PON3: variants seen among roughly 807,000 people sequenced by gnomAD.
The protein encoded by PON3 is serum paraoxonase/lactonase 3.
A neutral mutation model predicts 36.3 loss-of-function variants in PON3; 37 were observed. That is an observed-to-expected ratio of 1.02 (90% confidence interval 0.78 to 1.34). The LOEUF (loss-of-function observed/expected upper bound fraction) is 1.34, where lower values mean the gene tolerates loss of function less well. Ranked by LOEUF, PON3 falls within the 40% of genes most tolerant of loss-of-function variation. PON3 has a pLI of 0.00. For synonymous variants in PON3, 155 were observed against 154.8 expected (o/e 1.00, Z -0.01); for missense variants, 415 against 426.5 (o/e 0.97, Z 0.24).
At chr7:95,395,064 G>A (rs1178096352) in intron 1 of PON3, among the ~76,000 whole-genome samples, 2 of 152,086 alleles carry the variant, frequency 1.3e-5, no homozygotes, top group Non-Finnish European at 2.9e-5. Flanking sequence ...CTAAAGTATC[G>A]TCTGTTATAA....
intron 3 of PON3, among the ~76,000 whole-genome samples, chr7:95,373,108 A>G (rs1808844867): frequency 6.6e-6 from 1 of 152,208 alleles, no homozygotes; most frequent in Admixed American, 6.5e-5. Flanking sequence ...GTTACAAAAC[A>G]GTCCACTTCC....
intron 3 of PON3, among the ~76,000 whole-genome samples, chr7:95,386,344 C>A (rs192675151): frequency 6.6e-6 from 1 of 152,150 alleles, no homozygotes; most frequent in Non-Finnish European, 1.5e-5. Context: ...TCAGAGAATA[C>A]TAAAAACACC....
chr7:95,370,433 C>T (rs1414828256), intron 4 of PON3, among the ~76,000 whole-genome samples: 1 of 151,946 alleles, frequency 6.6e-6, no homozygotes, highest in African/African-American at 2.4e-5. Flanking sequence ...GAGGAAGTGT[C>T]AAGGTTGGGC....
chr7:95,367,313 C>A (rs560203988), intron 5 of PON3, 49 bp downstream of exon 5: 17 of 1,601,528 alleles, frequency 1.1e-5, no homozygotes, highest in Non-Finnish European at 1.4e-5. Context: ...ACAAAGCACA[C>A]AGCAGAGGTG....
Position 95,394,659 on chromosome 7 carries a change from GGT to G in PON3, c.128_129del (p.His43ProfsTer3), listed in dbSNP as rs1328767922. On this transcript the variant is annotated frameshift_variant, in exon 2 of 9. Transcript: ENST00000265627. LOFTEE classifies it high-confidence loss of function. ...ACATACATACCAAGTTCCTCAATAA[GGT>G]GGCAGTTTTCAGGTTCTACTGGCTC... Reference protein sequence around the residue: ...EVEPVEPENCHLIEELESGSE... With the variant: ...EVEPVEPENCXLIEELESGSE... The G allele has an allele frequency of 1.2e-6, 2 of 1,614,056 alleles. No individual in the cohort carries two copies. Among genetic ancestry groups the G allele is most frequent in the African/African-American group, 2.7e-5 (2 of 75,036 alleles).
At chr7:95,362,950 C>T (rs1808606851) in intron 6 of PON3, 109 bp from the exon 7 acceptor site, 1 of 755,028 alleles carries the variant, frequency 1.3e-6, no homozygotes, top group Non-Finnish European at 2.3e-6. Flanking sequence ...AGTACCACTG[C>T]AATCCTTTTC....
intron 3 of PON3, among the ~76,000 whole-genome samples, chr7:95,381,062 A>T (rs1249855565): frequency 6.6e-6 from 1 of 152,200 alleles, no homozygotes; most frequent in East Asian, 1.9e-4. Context: ...GATATTAAAG[A>T]AAAGAATTTT....
At chr7:95,368,531 C>CA (rs1808744955) in intron 4 of PON3, among the ~76,000 whole-genome samples, 1 of 152,168 alleles carries the variant, frequency 6.6e-6, no homozygotes, top group Admixed American at 6.5e-5. Context: ...CAATAGTGAA[C>CA]AATCACTTGT....
At chr7:95,381,089 A>T (rs1290666667) in intron 3 of PON3, among the ~76,000 whole-genome samples, 1 of 152,212 alleles carries the variant, frequency 6.6e-6, no homozygotes, top group East Asian at 1.9e-4. Flanking sequence ...AGAATTTCAT[A>T]TCCAGCCAAA....
At position 95,362,737 on chromosome 7, in the gene PON3, TGG is replaced by T. The variant is rs1041952511; in HGVS notation, c.777+21_777+22del. Reference sequence around the variant, plus strand: ...GACTAAGGTAAGAAGTCAGATTGTGTGGGCCAGACAGGGTACTCTTACCTTCA... The same window carrying T: ...GACTAAGGTAAGAAGTCAGATTGTGTGCCAGACAGGGTACTCTTACCTTCA... On this transcript the variant is annotated intron_variant, in intron 7 of 8. Coordinates refer to ENST00000265627, the MANE Select transcript of PON3 (RefSeq NM_000940.3). The T allele has an allele frequency of 3.8e-6, 6 of 1,565,688 alleles. No individual in the cohort carries two copies. In the African/African-American group the frequency reaches 6.8e-5, roughly 18 times the overall value.
intron 5 of PON3, 44 bp downstream of exon 5, chr7:95,367,318 G>A: frequency 3.7e-6 from 6 of 1,603,554 alleles, no homozygotes; most frequent in South Asian, 1.1e-5. Context: ...GCACACAGCA[G>A]AGGTGCAAAG....
chr7:95,368,417 T>C (rs1048090121), intron 4 of PON3, among the ~76,000 whole-genome samples: 2 of 152,218 alleles, frequency 1.3e-5, no homozygotes, highest in Non-Finnish European at 2.9e-5. Flanking sequence ...AGAGGAAATC[T>C]TCCTTCTGGT....
At chr7:95,388,608 T>C (rs1809252519) in intron 3 of PON3, among the ~76,000 whole-genome samples, 2 of 152,220 alleles carry the variant, frequency 1.3e-5, no homozygotes, top group South Asian at 4.1e-4. Context: ...CAAAGGATTA[T>C]AAATCATGCT....
At chr7:95,388,589 G>A (rs1177256749) in intron 3 of PON3, among the ~76,000 whole-genome samples, 1 of 152,194 alleles carries the variant, frequency 6.6e-6, no homozygotes, top group Non-Finnish European at 1.5e-5. Flanking sequence ...CCATTACTGG[G>A]TATATACCCA....
chr7:95,368,444 C>T (rs12534317), intron 4 of PON3, among the ~76,000 whole-genome samples: 7,026 of 152,248 alleles, frequency 0.046, 442 homozygotes, highest in East Asian at 0.31. Flanking sequence ...CAGCTCTGTT[C>T]CAAGGCTCAG....
intron 3 of PON3, among the ~76,000 whole-genome samples, chr7:95,378,882 G>A (rs888890661): frequency 6.6e-6 from 1 of 152,124 alleles, no homozygotes; most frequent in Admixed American, 6.5e-5. Flanking sequence ...CATAATGACA[G>A]GGCCAAATTC....
chr7:95,388,917 C>T (rs1384843412), intron 3 of PON3, among the ~76,000 whole-genome samples: 1 of 152,086 alleles, frequency 6.6e-6, no homozygotes, highest in African/African-American at 2.4e-5. Context: ...GGGCAGGGAA[C>T]AGCACACACT....
intron 3 of PON3, among the ~76,000 whole-genome samples, chr7:95,376,378 A>C (rs1353550918): frequency 4.6e-5 from 7 of 152,226 alleles, no homozygotes; most frequent in African/African-American, 1.7e-4. Context: ...TTATTCTCCA[A>C]ATCAGCAACT....
chr7:95,390,244 T>C (rs368615843), intron 2 of PON3, 35 bp from the exon 3 acceptor site: 32 of 1,512,620 alleles, frequency 2.1e-5, no homozygotes, highest in Non-Finnish European at 2.9e-5. Flanking sequence ...AAAATGCATA[T>C]ATGAAGGCTT....
Sources: gnomAD v4.1 joint callset for allele counts (sites outside exome capture counted in the v4.1 genomes callset) on GRCh38, gnomAD v4.1.1 for gene constraint, MANE v1.5 for transcripts, NCBI Gene and HGNC (gene_info 2026-07-23, HGNC 2026-07-21) for gene names.